The following LEMD3 variants were observed in gnomAD, a reference collection of about 807,000 sequenced individuals.
LEMD3 encodes LEM domain containing 3.
In LEMD3, 33 loss-of-function variants were observed where a neutral mutation model predicts 95.2. The observed-to-expected ratio is 0.35, with a 90% CI of 0.26 to 0.46. The LOEUF is 0.46. LEMD3 is among the 20% of genes least tolerant of loss of function. The probability of loss-of-function intolerance (pLI) is 1.00; values close to 1 mark genes in which losing one functional copy is unlikely to be tolerated. For missense variants in LEMD3, 1,210 were observed against 1,192.8 expected, an observed-to-expected ratio of 1.01 and a Z score of -0.21; for synonymous variants, 525 against 474.6, an observed-to-expected ratio of 1.11 and a Z score of -1.38.
chr12:65,235,900 T>A (rs1870758773), intron 4 of LEMD3, among the ~76,000 whole-genome samples: 2 of 152,170 alleles, frequency 1.3e-5, no homozygotes, highest in African/African-American at 4.8e-5. Flanking sequence ...TTGTCTGCAA[T>A]TTTTTTGATG....
intron 1 of LEMD3, among the ~76,000 whole-genome samples, chr12:65,189,338 G>T (rs1159440525): frequency 6.6e-6 from 1 of 152,138 alleles, no homozygotes; most frequent in Non-Finnish European, 1.5e-5. Flanking sequence ...AAATAAAAAG[G>T]TTGATGGCTA....
intron 1 of LEMD3, among the ~76,000 whole-genome samples, chr12:65,176,671 T>C (rs1421711037): frequency 2.0e-5 from 3 of 152,246 alleles, no homozygotes; most frequent in African/African-American, 7.2e-5. Context: ...ATTTTGGCTC[T>C]ACTTTTTAAA....
At chr12:65,178,669 TC>T (rs1384485066) in intron 1 of LEMD3, among the ~76,000 whole-genome samples, 4 of 152,192 alleles carry the variant, frequency 2.6e-5, no homozygotes, top group African/African-American at 9.7e-5. Flanking sequence ...TATTATTTAA[TC>T]CTTATGAGGT....
At chr12:65,176,347 C>T (rs913226135) in intron 1 of LEMD3, among the ~76,000 whole-genome samples, 1 of 152,184 alleles carries the variant, frequency 6.6e-6, no homozygotes, top group Non-Finnish European at 1.5e-5. Flanking sequence ...CTGAGTAAGT[C>T]ATGAAATTTG....
chr12:65,209,239 C>G (rs1311116596), intron 1 of LEMD3, among the ~76,000 whole-genome samples: 3 of 152,092 alleles, frequency 2.0e-5, no homozygotes, highest in Admixed American at 6.6e-5. Context: ...TATGGAGCTA[C>G]TCACAGAGCT....
chr12:65,184,027 CTT>C (rs936054786), intron 1 of LEMD3, among the ~76,000 whole-genome samples: 10 of 152,208 alleles, frequency 6.6e-5, no homozygotes, highest in South Asian at 4.1e-4. Flanking sequence ...TCTAGTAAAA[CTT>C]TTGTCTGGAT....
At chr12:65,184,616 A>G (rs1031440262) in intron 1 of LEMD3, among the ~76,000 whole-genome samples, 18 of 152,156 alleles carry the variant, frequency 1.2e-4, no homozygotes, top group African/African-American at 3.1e-4. Flanking sequence ...AAAAGATTCA[A>G]TAACTTCTAA....
chr12:65,238,447 A>G, intron 4 of LEMD3, 55 bp from the exon 5 acceptor site: 1 of 1,083,180 alleles, frequency 9.2e-7, no homozygotes, highest in Non-Finnish European at 1.4e-6. Context: ...AGGATACTTT[A>G]CAGAGAGTCG....
At chr12:65,217,875 T>G (rs1870156825) in intron 3 of LEMD3, among the ~76,000 whole-genome samples, 1 of 152,136 alleles carries the variant, frequency 6.6e-6, no homozygotes. Context: ...TGGAGTGAAG[T>G]AGGGTGATCA....
intron 4 of LEMD3, among the ~76,000 whole-genome samples, chr12:65,230,424 G>T (rs1345543807): frequency 6.6e-6 from 1 of 151,972 alleles, no homozygotes; most frequent in Non-Finnish European, 1.5e-5. Flanking sequence ...GTGAACATGG[G>T]ATGTCTTTTT....
intron 4 of LEMD3, among the ~76,000 whole-genome samples, chr12:65,225,422 GT>G (rs966041377): frequency 1.3e-5 from 2 of 152,144 alleles, no homozygotes; most frequent in Admixed American, 1.3e-4. Context: ...CTTTTCTGTG[GT>G]TGTGGTTGTG....
At position 65,189,069 on chromosome 12, in the gene LEMD3, T is replaced by C. The variant is rs184667657; in HGVS notation, c.1522+17951T>C. Among the ~76,000 whole-genome samples, 238 of 152,292 alleles carry C rather than the reference T, an allele frequency of 1.6e-3. 2 individuals are homozygous for C. The highest frequency in any genetic ancestry group is 3.0e-3 in the Non-Finnish European group (203 of 68,016). ...AATACATACTTATGATAAAGTTTAATTTATAAATTAGGCACAGTTAAGAGA... is the reference window on the plus strand; with the variant it reads ...AATACATACTTATGATAAAGTTTAACTTATAAATTAGGCACAGTTAAGAGA... On this transcript the variant is annotated intron_variant, in intron 1 of 12. Coordinates refer to ENST00000308330, the MANE Select transcript of LEMD3 (RefSeq NM_014319.5).
chr12:65,239,889 G>C (rs1197859692), intron 6 of LEMD3, 40 bp from the exon 7 acceptor site: 1 of 1,348,186 alleles, frequency 7.4e-7, no homozygotes. Flanking sequence ...GAATGATATT[G>C]ACCACAATTT....
intron 2 of LEMD3, among the ~76,000 whole-genome samples, chr12:65,213,614 A>G (rs1479578311): frequency 6.6e-6 from 1 of 152,234 alleles, no homozygotes; most frequent in Non-Finnish European, 1.5e-5. Flanking sequence ...AGAATGTAAC[A>G]GTATGTATGT....
At chr12:65,225,585 T>C (rs1162071663) in intron 4 of LEMD3, among the ~76,000 whole-genome samples, 3 of 152,164 alleles carry the variant, frequency 2.0e-5, no homozygotes, top group African/African-American at 4.8e-5. Context: ...CCAACTCTTT[T>C]GTTTGTTTGT....
chr12:65,219,647 A>G (rs560310355), intron 4 of LEMD3, among the ~76,000 whole-genome samples: 35 of 152,194 alleles, frequency 2.3e-4, no homozygotes, highest in African/African-American at 6.8e-4. Flanking sequence ...TTATACAGCA[A>G]ATCTCTAGAA....
At chr12:65,223,595 C>G (rs1226279805) in intron 4 of LEMD3, among the ~76,000 whole-genome samples, 3 of 151,854 alleles carry the variant, frequency 2.0e-5, no homozygotes, top group Non-Finnish European at 4.4e-5. Context: ...CTTTTTCCAT[C>G]TTTTGGCTGT....
At chr12:65,174,713 GTAT>G (rs1565777997) in intron 1 of LEMD3, among the ~76,000 whole-genome samples, 1 of 152,006 alleles carries the variant, frequency 6.6e-6, no homozygotes. Flanking sequence ...TATGTGCCCG[GTAT>G]TATTTTAAGC....
chr12:65,174,733 G>T (rs979354227), intron 1 of LEMD3, among the ~76,000 whole-genome samples: 5 of 152,138 alleles, frequency 3.3e-5, no homozygotes, highest in Non-Finnish European at 7.3e-5. Flanking sequence ...AAGCAGCAGG[G>T]ATATGTGGTG....
Sources: gnomAD v4.1 joint callset for allele counts (sites outside exome capture counted in the v4.1 genomes callset) on GRCh38, gnomAD v4.1.1 for gene constraint, MANE v1.5 for transcripts, NCBI Gene and HGNC (gene_info 2026-07-23, HGNC 2026-07-21) for gene names.